The following SDCCAG8 variants were observed in gnomAD, a reference collection of about 807,000 sequenced individuals.
The protein encoded by SDCCAG8 is SHH signaling and ciliogenesis regulator SDCCAG8.
SDCCAG8 carries 74 observed loss-of-function variants against 101.8 expected under a neutral mutation model. The observed-to-expected ratio is 0.73, with a 90% CI of 0.60 to 0.88. The LOEUF (loss-of-function observed/expected upper bound fraction) is 0.88, where lower values mean the gene tolerates loss of function less well. Ranked by LOEUF, SDCCAG8 falls within the 40% of genes least tolerant of loss-of-function variation. The pLI is 0.00. For synonymous variants in SDCCAG8, 281 were observed against 292.9 expected, an observed-to-expected ratio of 0.96 and a Z score of 0.41; for missense variants, 787 against 822.6, an observed-to-expected ratio of 0.96 and a Z score of 0.53.
chr1:243,352,975 C>T (rs1227767234), intron 12 of SDCCAG8, among the ~76,000 whole-genome samples: 1 of 152,134 alleles, frequency 6.6e-6, no homozygotes, highest in African/African-American at 2.4e-5. Context: ...GCCACTATGA[C>T]AGATTTAGAG....
rs115517746 is a variant in SDCCAG8 at position 243,395,700 on chromosome 1, C to T, written c.1616+16837C>T. On this transcript the variant is annotated intron_variant, in intron 13 of 17. Coordinates refer to ENST00000366541, the MANE Select transcript of SDCCAG8 (RefSeq NM_006642.5). ...ATTTTGTTTCTGTTTTTAATTTAGC[C>T]TCACAATTTTTAAAAATATGTCTGA... Among the ~76,000 whole-genome samples, 971 of 152,002 alleles carry T rather than the reference C, an allele frequency of 6.4e-3. 13 individuals carry two copies. The highest frequency in any genetic ancestry group is 0.021 in the African/African-American group (889 of 41,492).
At chr1:243,272,777 A>T (rs558806869) in intron 3 of SDCCAG8, among the ~76,000 whole-genome samples, 2 of 152,232 alleles carry the variant, frequency 1.3e-5, no homozygotes. Context: ...ATTATAAACC[A>T]TAATAGTAAT....
chr1:243,499,192 A>AGCT (rs1668862584), intron 17 of SDCCAG8, among the ~76,000 whole-genome samples: 2 of 152,202 alleles, frequency 1.3e-5, no homozygotes, highest in Non-Finnish European at 2.9e-5. Context: ...ATCTGCGTAA[A>AGCT]ACTAAGAGAC....
At chr1:243,353,381 C>T (rs1008246262) in intron 12 of SDCCAG8, among the ~76,000 whole-genome samples, 4 of 149,900 alleles carry the variant, frequency 2.7e-5, no homozygotes, top group Admixed American at 6.7e-5. Context: ...ATCCCAGCTA[C>T]TCGGGAGACT....
chr1:243,342,615 G>A (rs2075443877), intron 11 of SDCCAG8, among the ~76,000 whole-genome samples: 1 of 151,924 alleles, frequency 6.6e-6, no homozygotes, highest in Non-Finnish European at 1.5e-5. Flanking sequence ...ATCAGTTCGG[G>A]GTTTTATTCC....
chr1:243,370,091 A>G (rs1241827629), intron 12 of SDCCAG8, among the ~76,000 whole-genome samples: 12 of 152,124 alleles, frequency 7.9e-5, no homozygotes, highest in Middle Eastern at 3.4e-3. Context: ...CTTTCCAACA[A>G]TCACATCTTA....
At chr1:243,407,253 G>A (rs2079851604) in intron 13 of SDCCAG8, among the ~76,000 whole-genome samples, 1 of 152,198 alleles carries the variant, frequency 6.6e-6, no homozygotes, top group Non-Finnish European at 1.5e-5. Context: ...CACTGGACTT[G>A]GAGTGAGAAG....
rs560218467 is a variant in SDCCAG8, at chr1:243,262,262, C to T, written c.67+6022C>T. ...GCTGTGATTACAGGTGCCACCACCA[C>T]GCCCGGCTAATTTTTTTATTTTTAG... On this transcript the variant is annotated intron_variant, in intron 1 of 17. Transcript: ENST00000366541. 1.5e-4 allele frequency among the ~76,000 whole-genome samples: 22 copies of T among 148,072 alleles called. 1 individual carries two copies. In the South Asian group the frequency reaches 3.9e-3, roughly 27 times the overall value.
chr1:243,298,082 T>A (rs1425228045), intron 6 of SDCCAG8, among the ~76,000 whole-genome samples: 3 of 149,592 alleles, frequency 2.0e-5, no homozygotes, highest in Non-Finnish European at 4.4e-5. Flanking sequence ...GGAGTCTCAC[T>A]CTGTCACCCA....
chr1:243,318,509 A>C (rs1357885288), intron 9 of SDCCAG8: 3 of 979,426 alleles, frequency 3.1e-6, no homozygotes, highest in Non-Finnish European at 3.6e-6. Context: ...CCTAAAATAA[A>C]AGTTAAAAAA....
intron 13 of SDCCAG8, among the ~76,000 whole-genome samples, chr1:243,403,458 A>G (rs904929888): frequency 2.0e-5 from 3 of 152,206 alleles, no homozygotes; most frequent in Non-Finnish European, 4.4e-5. Flanking sequence ...TTAACTTACT[A>G]TATGTCAGTG....
chr1:243,293,282 T>A (rs923843519), intron 6 of SDCCAG8, 63 bp downstream of exon 6: 56 of 1,525,072 alleles, frequency 3.7e-5, no homozygotes, highest in East Asian at 7.3e-5. Context: ...TGTACTTTTT[T>A]AAAATTCTGG....
At chr1:243,339,710 T>C (rs1428924830) in intron 10 of SDCCAG8, among the ~76,000 whole-genome samples, 2 of 152,248 alleles carry the variant, frequency 1.3e-5, no homozygotes, top group Non-Finnish European at 2.9e-5. Flanking sequence ...CAGACACCTA[T>C]CTTCGTTTTA....
chr1:243,267,465 G>A (rs1163863115), intron 1 of SDCCAG8, among the ~76,000 whole-genome samples: 1 of 151,896 alleles, frequency 6.6e-6, no homozygotes, highest in African/African-American at 2.4e-5. Context: ...AGCCGGGCGT[G>A]GTGACAGGTA....
Position 243,337,533 on chromosome 1 carries a change from G to C in SDCCAG8, c.1222-3506G>C, listed in dbSNP as rs541425445. Among the ~76,000 whole-genome samples, 3 of 152,318 alleles carry C rather than the reference G, an allele frequency of 2.0e-5. No individual in the cohort carries two copies. In the East Asian group the frequency reaches 5.8e-4, roughly 29 times the overall value. ...GCAGAAAGTGGTTTTGGAGTAAAAG[G>C]ATTTAGAGTTGAATCCAGCTTGACC... On this transcript the variant is annotated intron_variant, in intron 10 of 17. Transcript: ENST00000366541.
Position 243,378,792 on chromosome 1 carries a change from C to G in SDCCAG8, c.1545C>G (p.Ala515=). Reference sequence around the variant, plus strand: ...TGGAACAGGAGCAGCAGAAGGCAGCCCTGGCCAGAGAGGAGTGCCTGAGAC... The same window carrying G: ...TGGAACAGGAGCAGCAGAAGGCAGCGCTGGCCAGAGAGGAGTGCCTGAGAC... ...QHLEQEQQKA[A]LAREECLRLT... is the part of the protein sequence containing the mutation. Residue 515 remains alanine, a synonymous_variant, in exon 13 of 18, where the codon GCC becomes GCG. Transcript: ENST00000366541. 1 of 1,613,988 alleles carries G rather than the reference C, an allele frequency of 6.2e-7. No homozygotes were observed. The highest frequency in any genetic ancestry group is 8.5e-7 in the Non-Finnish European group (1 of 1,179,974).
At chr1:243,489,946 G>T (rs975908721) in intron 17 of SDCCAG8, among the ~76,000 whole-genome samples, 1 of 152,176 alleles carries the variant, frequency 6.6e-6, no homozygotes, top group African/African-American at 2.4e-5. Context: ...GAGAGGCTGT[G>T]CATTTTGCCC....
chr1:243,431,383 A>G (rs2081754390), intron 16 of SDCCAG8, among the ~76,000 whole-genome samples: 1 of 152,096 alleles, frequency 6.6e-6, no homozygotes, highest in Non-Finnish European at 1.5e-5. Flanking sequence ...CAAGGACGAC[A>G]CCCATATTTC....
intron 3 of SDCCAG8, among the ~76,000 whole-genome samples, chr1:243,272,748 A>G (rs1276432319): frequency 6.6e-6 from 1 of 152,256 alleles, no homozygotes; most frequent in Non-Finnish European, 1.5e-5. Context: ...CTCTATATGT[A>G]TACAGCCTAC....
Sources: gnomAD v4.1 joint callset for allele counts (sites outside exome capture counted in the v4.1 genomes callset) on GRCh38, gnomAD v4.1.1 for gene constraint, MANE v1.5 for transcripts, NCBI Gene and HGNC (gene_info 2026-07-23, HGNC 2026-07-21) for gene names.